The following AOPEP variants were observed in gnomAD, a reference collection of about 807,000 sequenced individuals.
AOPEP encodes the protein aminopeptidase O.
In AOPEP, 77 loss-of-function variants were observed where a neutral mutation model predicts 98.1. That is an observed-to-expected ratio of 0.78 (90% CI 0.65 to 0.95). The LOEUF (loss-of-function observed/expected upper bound fraction) is 0.95. AOPEP is among the 40% of genes least tolerant of loss of function. AOPEP has a pLI of 0.00. For missense variants in AOPEP, 1,024 were observed against 1,024.7 expected (o/e 1.00, Z 0.01); for synonymous variants, 346 against 365.3 (o/e 0.95, Z 0.60).
chr9:94,753,714 A>C (rs936851718), intron 1 of AOPEP, among the ~76,000 whole-genome samples: 1 of 152,248 alleles, frequency 6.6e-6, no homozygotes, highest in African/African-American at 2.4e-5. Flanking sequence ...TGTTTTAAAA[A>C]GACAGCCAAG....
intron 1 of AOPEP, among the ~76,000 whole-genome samples, chr9:94,729,438 C>T (rs114347681): frequency 0.023 from 3,452 of 152,048 alleles, 135 homozygotes; most frequent in African/African-American, 0.079. Context: ...GGCATGATGG[C>T]ATATGCCTGT....
In AOPEP at chr9:94,729,002, T is replaced by C. The variant is rs144367427; in HGVS notation, c.-136+2251T>C. Among the ~76,000 whole-genome samples the C allele has an allele frequency of 2.0e-5, 3 of 152,292 alleles. No individual in the cohort carries two copies. In the East Asian group the frequency reaches 5.8e-4, roughly 29 times the overall value. The stretch of plus-strand genomic sequence containing the variant: ...ACTGAGGGAAAAGGACAGGGTTTGA[T>C]GGGGAGACTAGAGAGAAACATGAAG... On this transcript the variant is annotated intron_variant, in intron 1 of 16. Transcript: ENST00000375315.
At chr9:94,734,956 AC>A (rs1831386988) in intron 1 of AOPEP, among the ~76,000 whole-genome samples, 1 of 152,190 alleles carries the variant, frequency 6.6e-6, no homozygotes, top group Admixed American at 6.5e-5. Flanking sequence ...GCTACAATTC[AC>A]CCTGGTCTGG....
At chr9:95,101,773 G>T in the AOPEP span, 5 of 1,614,102 alleles carry the variant, frequency 3.1e-6, no homozygotes, top group Non-Finnish European at 4.2e-6. Context: ...GGCTTTCAAT[G>T]CCAAGACGAT....
chr9:94,901,913 A>G (rs78367272), intron 5 of AOPEP, among the ~76,000 whole-genome samples: 10,574 of 152,262 alleles, frequency 0.069, 1,254 homozygotes, highest in African/African-American at 0.24. Context: ...TGTCTCAAAA[A>G]AAAAGAAAAG....
the AOPEP span, among the ~76,000 whole-genome samples, chr9:95,093,091 C>CA: frequency 5.3e-5 from 8 of 152,190 alleles, no homozygotes. Flanking sequence ...AAAGAAAACA[C>CA]AGATAATTTA....
chr9:94,997,277 C>T (rs1050223393), intron 11 of AOPEP, among the ~76,000 whole-genome samples: 4 of 152,162 alleles, frequency 2.6e-5, no homozygotes, highest in African/African-American at 9.7e-5. Flanking sequence ...GTGTAAGCTG[C>T]AGGAAGTGAC....
intron 7 of AOPEP, among the ~76,000 whole-genome samples, chr9:94,937,358 G>C (rs1224314682): frequency 6.6e-6 from 1 of 152,190 alleles, no homozygotes; most frequent in African/African-American, 2.4e-5. Context: ...TTTTCTCTGC[G>C]TGTGCATGTC....
chr9:94,910,688 A>C (rs902398622), intron 5 of AOPEP, among the ~76,000 whole-genome samples: 9 of 152,126 alleles, frequency 5.9e-5, no homozygotes, highest in African/African-American at 1.7e-4. Context: ...TTATATGATG[A>C]GGTGCAGCAG....
At chr9:95,094,395 GTCT>G in the AOPEP span, among the ~76,000 whole-genome samples, 1 of 152,180 alleles carries the variant, frequency 6.6e-6, no homozygotes, top group African/African-American at 2.4e-5. Flanking sequence ...CAGCCTCGGT[GTCT>G]TCATTGTTGT....
the AOPEP span, chr9:95,114,627 AC>A: frequency 6.2e-7 from 1 of 1,613,478 alleles, no homozygotes; most frequent in East Asian, 2.2e-5. Flanking sequence ...GTGTTTGCTC[AC>A]CCATGAGTCT....
At chr9:94,801,694 A>G (rs1032843777) in intron 5 of AOPEP, among the ~76,000 whole-genome samples, 1 of 152,242 alleles carries the variant, frequency 6.6e-6, no homozygotes, top group African/African-American at 2.4e-5. Context: ...ATTAATGGGT[A>G]TCTGTGTTCC....
intron 7 of AOPEP, among the ~76,000 whole-genome samples, chr9:94,949,192 T>G (rs1171420879): frequency 6.6e-6 from 1 of 152,258 alleles, no homozygotes; most frequent in Non-Finnish European, 1.5e-5. Flanking sequence ...GTTTTGCTTC[T>G]CAGAGGAATT....
intron 5 of AOPEP, among the ~76,000 whole-genome samples, chr9:94,848,537 G>A (rs980674005): frequency 6.6e-6 from 1 of 151,032 alleles, no homozygotes; most frequent in African/African-American, 2.4e-5. Context: ...CAGGAGAATC[G>A]CTTGAACCCG....
intron 5 of AOPEP, among the ~76,000 whole-genome samples, chr9:94,809,757 C>T (rs1051976941): frequency 3.3e-5 from 5 of 152,084 alleles, no homozygotes; most frequent in African/African-American, 1.2e-4. Context: ...ATATTAGGTA[C>T]ACTATAAAAC....
At chr9:94,749,592 A>G (rs1835238038) in intron 1 of AOPEP, among the ~76,000 whole-genome samples, 1 of 152,146 alleles carries the variant, frequency 6.6e-6, no homozygotes, top group South Asian at 2.1e-4. Context: ...TTTACACTGG[A>G]TAATTTCTAT....
At chr9:95,092,343 T>G in the AOPEP span, among the ~76,000 whole-genome samples, 1 of 152,082 alleles carries the variant, frequency 6.6e-6, no homozygotes, top group South Asian at 2.1e-4. Flanking sequence ...CTGGCTGCTC[T>G]GCCACCCCTA....
the AOPEP span, among the ~76,000 whole-genome samples, chr9:95,147,711 T>A: frequency 6.6e-6 from 1 of 152,234 alleles, no homozygotes; most frequent in African/African-American, 2.4e-5. Context: ...ATATTTTGAA[T>A]ACTGTTATGG....
intron 5 of AOPEP, among the ~76,000 whole-genome samples, chr9:94,922,386 C>T (rs2053756399): frequency 6.6e-6 from 1 of 152,256 alleles, no homozygotes; most frequent in Non-Finnish European, 1.5e-5. Context: ...CGCAGGCTTG[C>T]CCTCCAGCCT....
Sources: gnomAD v4.1 joint callset for allele counts (sites outside exome capture counted in the v4.1 genomes callset) on GRCh38, gnomAD v4.1.1 for gene constraint, MANE v1.5 for transcripts, NCBI Gene and HGNC (gene_info 2026-07-23, HGNC 2026-07-21) for gene names.